The following BANP variants were observed in gnomAD, a reference collection of about 807,000 sequenced individuals.
The protein encoded by BANP is BTG3 associated nuclear protein, also known as protein BANP.
A neutral mutation model predicts 68.1 loss-of-function variants in BANP; 11 were observed. That is an observed-to-expected ratio of 0.16 (90% CI 0.10 to 0.27). The LOEUF (loss-of-function observed/expected upper bound fraction) is 0.27. Ranked by LOEUF, BANP falls within the 10% of genes least tolerant of loss-of-function variation. The pLI is 1.00. For missense variants in BANP, 504 were observed against 722.7 expected (o/e 0.70, Z 3.47); for synonymous variants, 329 against 303.2 (o/e 1.09, Z -0.88).
In BANP at chr16:88,076,092, C is replaced by A. The variant is rs141875367; in HGVS notation, c.1522-498C>A. Among the ~76,000 whole-genome samples the A allele has an allele frequency of 6.3e-3, 964 of 152,338 alleles. 5 individuals are homozygous for A. The highest frequency in any genetic ancestry group is 0.01 in the Non-Finnish European group (691 of 68,038). ...AAAGCTGTGATTTCGTACTTGAAGT[C>A]CTTTTAATATCTGTAACTCGTTGAC... On this transcript the variant is annotated intron_variant, in intron 13 of 13. Coordinates refer to ENST00000682872, the MANE Select transcript of BANP (RefSeq NM_001386991.1).
At chr16:87,983,859 A>G (rs150247302) in intron 3 of BANP, among the ~76,000 whole-genome samples, 4,022 of 152,324 alleles carry the variant, frequency 0.026, 175 homozygotes, top group African/African-American at 0.088. Flanking sequence ...CATTTGAAAC[A>G]GGACGTGTGA....
At chr16:87,970,995 C>T (rs1323118848) in intron 1 of BANP, among the ~76,000 whole-genome samples, 1 of 135,210 alleles carries the variant, frequency 7.4e-6, no homozygotes, top group Non-Finnish European at 1.5e-5. Flanking sequence ...CTGGCCTGGG[C>T]AACAGAGTGA....
At chr16:88,009,281 A>T (rs2072286744) in intron 6 of BANP, among the ~76,000 whole-genome samples, 1 of 152,128 alleles carries the variant, frequency 6.6e-6, no homozygotes, top group African/African-American at 2.4e-5. Flanking sequence ...GGGAAGTGCT[A>T]AAGGGGGTGT....
intron 7 of BANP, among the ~76,000 whole-genome samples, chr16:88,025,792 C>T (rs958220020): frequency 2.0e-5 from 3 of 152,186 alleles, no homozygotes; most frequent in African/African-American, 4.8e-5. Context: ...AGGGTTTGGG[C>T]AGTAGAGTCC....
intron 11 of BANP, among the ~76,000 whole-genome samples, chr16:88,054,436 ACCT>A (rs755084931): frequency 6.6e-5 from 10 of 151,890 alleles, no homozygotes; most frequent in Non-Finnish European, 1.5e-4. Context: ...TACCACCACC[ACCT>A]CCACCACTAT....
intron 12 of BANP, among the ~76,000 whole-genome samples, chr16:88,070,540 T>C (rs932399197): frequency 6.6e-6 from 1 of 152,142 alleles, no homozygotes; most frequent in Non-Finnish European, 1.5e-5. Context: ...CCGAGGCTGG[T>C]GTGCTCGCAA....
chr16:88,011,186 G>C (rs1331182435), intron 6 of BANP, among the ~76,000 whole-genome samples: 1 of 152,178 alleles, frequency 6.6e-6, no homozygotes. Flanking sequence ...TGAGTTTCCG[G>C]ATACACAGCC....
At chr16:88,033,831 C>G (rs550618121) in intron 9 of BANP, among the ~76,000 whole-genome samples, 26 of 152,318 alleles carry the variant, frequency 1.7e-4, no homozygotes, top group Middle Eastern at 3.4e-3. Context: ...CGCCTAGGGG[C>G]TTGCTCCCGG....
At chr16:88,023,244 T>C (rs1414445205) in intron 7 of BANP, among the ~76,000 whole-genome samples, 2 of 152,154 alleles carry the variant, frequency 1.3e-5, no homozygotes, top group Non-Finnish European at 2.9e-5. Flanking sequence ...ACCCAGAAGC[T>C]GTGACCTGGA....
chr16:88,019,354 G>T (rs376106735), intron 7 of BANP, among the ~76,000 whole-genome samples: 2 of 152,100 alleles, frequency 1.3e-5, no homozygotes, highest in East Asian at 3.9e-4. Flanking sequence ...TTCTAACGAA[G>T]ATGTAAAGTG....
intron 11 of BANP, among the ~76,000 whole-genome samples, chr16:88,059,058 G>A (rs536391626): frequency 6.6e-6 from 1 of 151,686 alleles, no homozygotes; most frequent in South Asian, 2.1e-4. Flanking sequence ...CCACAGTGCT[G>A]TGGTCCGTGC....
At chr16:88,008,062 C>G (rs963663244) in intron 6 of BANP, among the ~76,000 whole-genome samples, 2 of 152,192 alleles carry the variant, frequency 1.3e-5, no homozygotes, top group African/African-American at 4.8e-5. Context: ...CGGCACCCAG[C>G]TCATCTCCGT....
intron 10 of BANP, chr16:88,037,464 A>C (rs1036030398): frequency 1.3e-5 from 2 of 156,854 alleles, no homozygotes; most frequent in Non-Finnish European, 2.8e-5. Context: ...AGGGTCTGAC[A>C]GACAACACAG....
intron 1 of BANP, among the ~76,000 whole-genome samples, chr16:87,969,308 G>A (rs2060687336): frequency 6.6e-6 from 1 of 152,150 alleles, no homozygotes; most frequent in Non-Finnish European, 1.5e-5. Flanking sequence ...CTGGCTGAAT[G>A]TTGTGTGGGG....
intron 6 of BANP, among the ~76,000 whole-genome samples, chr16:88,014,970 G>T (rs1173374655): frequency 2.0e-5 from 3 of 152,036 alleles, no homozygotes; most frequent in Non-Finnish European, 4.4e-5. Flanking sequence ...CTGGATTACT[G>T]AGCAGCTCTG....
intron 1 of BANP, among the ~76,000 whole-genome samples, chr16:87,951,907 G>C (rs1467039503): frequency 6.6e-6 from 1 of 152,150 alleles, no homozygotes; most frequent in African/African-American, 2.4e-5. Context: ...TCTGGGGCCC[G>C]AAGTCTCCCA....
chr16:88,032,931 G>A (rs1224670547), intron 8 of BANP, among the ~76,000 whole-genome samples, 178 bp from the exon 9 acceptor site: 1 of 152,220 alleles, frequency 6.6e-6, no homozygotes, highest in Non-Finnish European at 1.5e-5. Flanking sequence ...CAGTTCCTAA[G>A]ACTCACTGGT....
chr16:88,071,629 G>A lies in BANP; in HGVS notation c.1378-440G>A. 2 of 462,246 alleles carry A rather than the reference G, an allele frequency of 4.3e-6. No individual in the cohort carries two copies. Among genetic ancestry groups the A allele is most frequent in the South Asian group, 3.1e-5 (2 of 64,598 alleles). 28.6% of individuals were successfully genotyped at this position (462,246 alleles called of 1,614,324 possible). ...GGTCACTCTGCCTTGGGAATGGGGA[G>A]GGTTTGGGTCTCAGCCTCACGCTCA... is the stretch of plus-strand genomic sequence containing the variant. On this transcript the variant is annotated intron_variant, in intron 12 of 13. Coordinates refer to ENST00000682872, the MANE Select transcript of BANP (RefSeq NM_001386991.1). This position sits in a 1 kb window ranked among gnomAD's most constrained non-coding sequence, Gnocchi z 6.5.
intron 12 of BANP, 119 bp downstream of exon 12, chr16:88,065,451 G>A: frequency 1.6e-6 from 1 of 618,450 alleles, no homozygotes; most frequent in Non-Finnish European, 2.9e-6. Flanking sequence ...CTCACCACGT[G>A]AGGGTGATCA....
Sources: allele counts gnomAD v4.1 joint callset (sites outside exome capture counted in the v4.1 genomes callset), GRCh38; gene constraint gnomAD v4.1.1; non-coding constraint Gnocchi (gnomAD v3.1); transcripts MANE v1.5; gene names NCBI Gene and HGNC (gene_info 2026-07-23, HGNC 2026-07-21).